The following WNT5B variants were observed in gnomAD, a reference collection of about 807,000 sequenced individuals.
The protein encoded by WNT5B is protein Wnt-5b.
A neutral mutation model predicts 36.5 loss-of-function variants in WNT5B; 18 were observed. The observed-to-expected ratio is 0.49, with a 90% CI of 0.34 to 0.73. The LOEUF (loss-of-function observed/expected upper bound fraction) is 0.73. Ranked by LOEUF, WNT5B falls within the 30% of genes least tolerant of loss-of-function variation. The probability of loss-of-function intolerance (pLI) is 0.01; values close to 1 mark genes in which losing one functional copy is unlikely to be tolerated. For synonymous variants in WNT5B, 213 were observed against 212.3 expected (o/e 1.00, Z -0.03); for missense variants, 424 against 508.4 (o/e 0.83, Z 1.60).
chr12:1,625,218 T>C (rs1338506494), upstream of WNT5B, among the ~76,000 whole-genome samples: 1 of 152,102 alleles, frequency 6.6e-6, no homozygotes, highest in Non-Finnish European at 1.5e-5. Flanking sequence ...TAGGGGAATA[T>C]TATGATGTAA....
At chr12:1,639,663 C>G in intron 3 of WNT5B, 21 bp from the exon 4 acceptor site, 2 of 1,492,044 alleles carry the variant, frequency 1.3e-6, no homozygotes, top group Middle Eastern at 1.8e-4. Context: ...ACCCGCTTAC[C>G]GCCCTGGCCT....
At chr12:1,631,142 A>T in intron 1 of WNT5B, 156 bp from the exon 2 acceptor site, 1 of 554,308 alleles carries the variant, frequency 1.8e-6, no homozygotes, top group South Asian at 3.3e-5. Context: ...TGGGAAGATG[A>T]GCAGTGGGAG....
chr12:1,639,737 G>A lies in WNT5B; in HGVS notation c.382G>A (p.Ala128Thr). The A allele has an allele frequency of 5.6e-6, 9 of 1,600,260 alleles. No homozygotes were observed. In the Admixed American group the frequency reaches 8.6e-5, roughly 15 times the overall value. The change falls in exon 4 of 5, where the codon GCC (alanine) becomes ACC (threonine). Residue 128 changes from alanine to threonine, a missense_variant. Ala to Thr is a moderately conservative substitution (Grantham distance 58, BLOSUM62 0). Transcript: ENST00000397196. ...GGTGAGCGCCGCGGGCGTGGTCAAC[G>A]CCATCAGCCGGGCCTGCCGCGAGGG... ...HAVSAAGVVN[A>T]ISRACREGEL...
intron 3 of WNT5B, among the ~76,000 whole-genome samples, chr12:1,639,256 G>C (rs2154439739): frequency 6.6e-6 from 1 of 151,260 alleles, no homozygotes; most frequent in South Asian, 2.1e-4. Context: ...TCCTGCCTCA[G>C]CCTCCCGAGT....
chr12:1,625,597 T>G (rs540650960), upstream of WNT5B, among the ~76,000 whole-genome samples: 78 of 152,240 alleles, frequency 5.1e-4, 1 homozygote, highest in Admixed American at 3.6e-3. Context: ...TTCCAAAGAC[T>G]GCTAAGATGG....
chr12:1,621,625 C>A (rs1343324444), intron 1 of WNT5B, among the ~76,000 whole-genome samples: 8 of 152,096 alleles, frequency 5.3e-5, no homozygotes, highest in African/African-American at 1.9e-4. Flanking sequence ...TCATAGCTCA[C>A]TGCAGCCTTG....
Position 1,633,833 on chromosome 12 carries a change from T to C in WNT5B, c.328+928T>C, listed in dbSNP as rs2154439611. On this transcript the variant is annotated intron_variant, in intron 3 of 4. Coordinates refer to ENST00000397196, the MANE Select transcript of WNT5B (RefSeq NM_032642.3). This position sits in a 1 kb window ranked among gnomAD's most constrained non-coding sequence, Gnocchi z 4.8. The stretch of plus-strand genomic sequence containing the variant: ...GGAGGTAGAGATTTCTTCGTGCTCC[T>C]CTCTTAGGGAGGATACTTGGAAGGC... Among the ~76,000 whole-genome samples the C allele has an allele frequency of 6.6e-6, 1 of 152,222 alleles. No individual in the cohort carries two copies. Among genetic ancestry groups the C allele is most frequent in the East Asian group, 1.9e-4 (1 of 5,162 alleles).
At chr12:1,623,184 GTT>G (rs1438542995) in intron 1 of WNT5B, among the ~76,000 whole-genome samples, 541 of 53,512 alleles carry the variant, frequency 0.01, 6 homozygotes, top group African/African-American at 0.038. Flanking sequence ...AGGGTTTTTT[GTT>G]GTTTTTTTTT....
chr12:1,636,735 G>C (rs1219498946), intron 3 of WNT5B, among the ~76,000 whole-genome samples: 2 of 146,982 alleles, frequency 1.4e-5, no homozygotes, highest in Non-Finnish European at 3.0e-5. Context: ...TTTGTTTTGA[G>C]ATGGAGTTTT....
At chr12:1,637,125 C>T (rs1394210330) in intron 3 of WNT5B, among the ~76,000 whole-genome samples, 1 of 152,176 alleles carries the variant, frequency 6.6e-6, no homozygotes, top group East Asian at 1.9e-4. Context: ...GCTGGGATTA[C>T]AGGTGTGAGT....
chr12:1,646,270 C>T lies in WNT5B; in HGVS notation c.*18C>T, dbSNP rs774362504. On this transcript the variant is annotated 3_prime_UTR_variant, in exon 5 of 5. Transcript: ENST00000397196. ...GTAAATAGCCCGGAGGGCCTGCTCC[C>T]GGCCCCCCTGCACTCTGCCTCACAA... 25 of 1,593,254 alleles carry T rather than the reference C, an allele frequency of 1.6e-5. No homozygotes were observed. Among genetic ancestry groups the T allele is most frequent in the South Asian group, 1.2e-4 (11 of 88,826 alleles).
chr12:1,622,946 G>T (rs996223659), intron 1 of WNT5B, among the ~76,000 whole-genome samples: 1 of 152,156 alleles, frequency 6.6e-6, no homozygotes, highest in Non-Finnish European at 1.5e-5. Context: ...CAATGACAAA[G>T]GAGCTTGCTC....
upstream of WNT5B, among the ~76,000 whole-genome samples, chr12:1,628,423 GC>G (rs1391299963): frequency 6.6e-6 from 1 of 152,140 alleles, no homozygotes; most frequent in African/African-American, 2.4e-5. Context: ...CCCCCGAAGA[GC>G]CCCGCATTCT....
Position 1,645,903 on chromosome 12 carries a change from G to A in WNT5B, c.731G>A (p.Arg244Gln), listed in dbSNP as rs150533323. The change falls in exon 5 of 5, where the codon CGG (arginine) becomes CAG (glutamine). Residue 244 changes from arginine to glutamine, a missense_variant. Arg to Gln is a conservative substitution (Grantham distance 43, BLOSUM62 1). Transcript: ENST00000397196. Reference sequence around the variant, plus strand: ...GCCGAGTTCCGCAAGGTCGGGGACCGGCTGAAGGAGAAGTACGACAGCGCG... The same window carrying A: ...GCCGAGTTCCGCAAGGTCGGGGACCAGCTGAAGGAGAAGTACGACAGCGCG... ...QLAEFRKVGD[R>Q]LKEKYDSAAA... 94 of 1,611,098 alleles carry A rather than the reference G, an allele frequency of 5.8e-5. No individual in the cohort carries two copies. Among genetic ancestry groups the A allele is most frequent in the Non-Finnish European group, 7.0e-5 (82 of 1,179,842 alleles).
At chr12:1,645,340 G>A (rs735891) in intron 4 of WNT5B, among the ~76,000 whole-genome samples, 98,371 of 152,114 alleles carry the variant, frequency 0.65, 32,199 homozygotes, top group East Asian at 0.72. Flanking sequence ...CTGGGCTCAA[G>A]TGATCCTCCT....
At chr12:1,617,871 G>A (rs149840489) in intron 1 of WNT5B, among the ~76,000 whole-genome samples, 1 of 152,262 alleles carries the variant, frequency 6.6e-6, no homozygotes, top group East Asian at 1.9e-4. Context: ...GGGCGCAGTG[G>A]CTCATGCTTG....
chr12:1,619,855 T>C (rs1296425522), intron 1 of WNT5B, among the ~76,000 whole-genome samples: 1 of 152,106 alleles, frequency 6.6e-6, no homozygotes, highest in African/African-American at 2.4e-5. Flanking sequence ...CAAATAGTCA[T>C]CCCACGTGGT....
chr12:1,631,736 A>T (rs1290264903), intron 2 of WNT5B, among the ~76,000 whole-genome samples: 1 of 143,980 alleles, frequency 6.9e-6, no homozygotes, highest in African/African-American at 3.0e-5. Context: ...GGTCAACAAG[A>T]ATATCAATAC....
At chr12:1,622,714 C>G (rs1028266621) in intron 1 of WNT5B, among the ~76,000 whole-genome samples, 1 of 152,182 alleles carries the variant, frequency 6.6e-6, no homozygotes, top group Non-Finnish European at 1.5e-5. Context: ...CCCACATACC[C>G]CTGTGTACTA....
Sources: allele counts gnomAD v4.1 joint callset (sites outside exome capture counted in the v4.1 genomes callset), GRCh38; gene constraint gnomAD v4.1.1; non-coding constraint Gnocchi (gnomAD v3.1); transcripts MANE v1.5; gene names NCBI Gene and HGNC (gene_info 2026-07-23, HGNC 2026-07-21).